The following PRKCA variants were observed in gnomAD, a reference collection of about 807,000 sequenced individuals.
PRKCA encodes protein kinase C alpha type.
Under a neutral mutation model 87.0 loss-of-function variants are expected in PRKCA, and 27 were observed. The observed-to-expected ratio is 0.31, with a 90% confidence interval of 0.23 to 0.43. The LOEUF (loss-of-function observed/expected upper bound fraction) is 0.43, where lower values mean the gene tolerates loss of function less well. Ranked by LOEUF, PRKCA falls within the 20% of genes least tolerant of loss-of-function variation. The probability of loss-of-function intolerance (pLI) is 1.00; values close to 1 mark genes in which losing one functional copy is unlikely to be tolerated. For missense variants in PRKCA, 518 were observed against 852.3 expected, an observed-to-expected ratio of 0.61 and a Z score of 4.88; for synonymous variants, 329 against 311.1, an observed-to-expected ratio of 1.06 and a Z score of -0.61.
At chr17:66,663,096 T>C (rs778010130) in intron 5 of PRKCA, among the ~76,000 whole-genome samples, 73 of 152,342 alleles carry the variant, frequency 4.8e-4, no homozygotes, top group Admixed American at 9.8e-4. Flanking sequence ...TTATGCCTCA[T>C]GCTCAGCCAG....
chr17:66,468,540 C>A (rs1915185682), intron 2 of PRKCA, among the ~76,000 whole-genome samples: 1 of 152,158 alleles, frequency 6.6e-6, no homozygotes, highest in Non-Finnish European at 1.5e-5. Flanking sequence ...AACATGGGCA[C>A]CCTTCTGTTT....
chr17:66,681,119 CT>C (rs1972479148), intron 5 of PRKCA, among the ~76,000 whole-genome samples: 1 of 152,122 alleles, frequency 6.6e-6, no homozygotes, highest in African/African-American at 2.4e-5. Context: ...GTTCCAGCTA[CT>C]CAGGAGGCTG....
At chr17:66,691,761 A>AG (rs888928427) in intron 8 of PRKCA, among the ~76,000 whole-genome samples, 1 of 111,774 alleles carries the variant, frequency 8.9e-6, no homozygotes, top group African/African-American at 2.8e-5. Context: ...TCACTGGGTC[A>AG]GGGGCTGTTG....
chr17:66,663,492 A>T (rs1161546833), intron 5 of PRKCA, among the ~76,000 whole-genome samples: 1 of 152,176 alleles, frequency 6.6e-6, no homozygotes, highest in Non-Finnish European at 1.5e-5. Flanking sequence ...AAGATGAGGG[A>T]GGGGCTGGAG....
At chr17:66,374,151 G>T (rs896198396) in intron 2 of PRKCA, among the ~76,000 whole-genome samples, 3 of 152,258 alleles carry the variant, frequency 2.0e-5, no homozygotes, top group Admixed American at 2.0e-4. Flanking sequence ...CCTGGGCAGG[G>T]TCTGCATCCA....
chr17:66,417,092 G>C (rs1271010444), intron 2 of PRKCA, among the ~76,000 whole-genome samples: 1 of 151,958 alleles, frequency 6.6e-6, no homozygotes, highest in Non-Finnish European at 1.5e-5. Flanking sequence ...AGAGATGGGG[G>C]TTTTGCCATG....
intron 8 of PRKCA, among the ~76,000 whole-genome samples, chr17:66,715,988 T>C (rs1973463935): frequency 1.3e-5 from 2 of 152,208 alleles, no homozygotes; most frequent in Admixed American, 1.3e-4. Context: ...CTTTACATTT[T>C]AGTGGACATA....
chr17:66,423,647 TC>T (rs1352349754), intron 2 of PRKCA, among the ~76,000 whole-genome samples: 1 of 152,246 alleles, frequency 6.6e-6, no homozygotes, highest in African/African-American at 2.4e-5. Context: ...ATACTGTTTT[TC>T]TTCCCAGGTA....
intron 2 of PRKCA, among the ~76,000 whole-genome samples, chr17:66,345,376 A>G (rs1907296913): frequency 6.6e-6 from 1 of 152,200 alleles, no homozygotes; most frequent in South Asian, 2.1e-4. Context: ...ATGGACAATT[A>G]TCTTTCAGTT....
chr17:66,634,258 G>A (rs1253920083), intron 3 of PRKCA, among the ~76,000 whole-genome samples: 1 of 152,150 alleles, frequency 6.6e-6, no homozygotes, highest in Non-Finnish European at 1.5e-5. Flanking sequence ...CTTTATTCAT[G>A]CCTATGAAAA....
At chr17:66,491,412 C>T (rs1304141396) in intron 2 of PRKCA, among the ~76,000 whole-genome samples, 1 of 152,224 alleles carries the variant, frequency 6.6e-6, no homozygotes, top group Non-Finnish European at 1.5e-5. Flanking sequence ...GCCCCCACGA[C>T]AATCATCAGA....
chr17:66,779,722 A>G (rs1007557054), intron 14 of PRKCA, among the ~76,000 whole-genome samples: 7 of 152,204 alleles, frequency 4.6e-5, no homozygotes, highest in Admixed American at 4.6e-4. Context: ...CACAAATCAC[A>G]TATTGTTAAA....
At chr17:66,782,510 A>C (rs1383759364) in intron 14 of PRKCA, among the ~76,000 whole-genome samples, 2 of 152,118 alleles carry the variant, frequency 1.3e-5, no homozygotes, top group Non-Finnish European at 2.9e-5. Context: ...AGCAGCTGGG[A>C]AGGAGGGAGG....
intron 2 of PRKCA, among the ~76,000 whole-genome samples, chr17:66,477,694 C>T (rs1029216416): frequency 1.2e-4 from 19 of 152,242 alleles, no homozygotes; most frequent in Admixed American, 8.5e-4. Context: ...AGTGAGACTC[C>T]GTCTCAAAAC....
intron 2 of PRKCA, among the ~76,000 whole-genome samples, chr17:66,326,218 C>T (rs767602453): frequency 6.6e-6 from 1 of 152,102 alleles, no homozygotes; most frequent in East Asian, 1.9e-4. Flanking sequence ...GCTTCATACT[C>T]GTTCATTTTG....
rs554324900 is a variant in PRKCA, at chr17:66,739,099, C to T, written c.1322+244C>T. ...GTTTCACCATCTTGCCCAGGCTGGTCCCGAACTCCTGAGCTCAAGCTGTCT... is the reference window on the plus strand; with the variant it reads ...GTTTCACCATCTTGCCCAGGCTGGTTCCGAACTCCTGAGCTCAAGCTGTCT... On this transcript the variant is annotated intron_variant, in intron 11 of 16. Coordinates refer to ENST00000413366, the MANE Select transcript of PRKCA (RefSeq NM_002737.3). Among the ~76,000 whole-genome samples the T allele has an allele frequency of 5.3e-5, 8 of 152,198 alleles. No homozygotes were observed. The South Asian group carries it at 1.7e-3, about 32-fold the overall frequency.
intron 2 of PRKCA, among the ~76,000 whole-genome samples, chr17:66,407,270 T>C (rs886426019): frequency 4.6e-5 from 7 of 151,890 alleles, no homozygotes; most frequent in African/African-American, 1.7e-4. Context: ...GATCAGATCA[T>C]GGGGGCGGAT....
intron 2 of PRKCA, among the ~76,000 whole-genome samples, chr17:66,400,659 CATGATGGTTCT>C (rs1350303261): frequency 6.6e-6 from 1 of 152,308 alleles, no homozygotes; most frequent in East Asian, 1.9e-4. Flanking sequence ...TGCTGGATTA[CATGATGGTTCT>C]ATTTAATTTT....
chr17:66,359,813 A>G (rs1399423794), intron 2 of PRKCA, among the ~76,000 whole-genome samples: 1 of 152,236 alleles, frequency 6.6e-6, no homozygotes, highest in Non-Finnish European at 1.5e-5. Flanking sequence ...TATAGTAGGC[A>G]TAAACTTGCA....
Sources: allele counts gnomAD v4.1 joint callset (sites outside exome capture counted in the v4.1 genomes callset), GRCh38; gene constraint gnomAD v4.1.1; transcripts MANE v1.5; gene names NCBI Gene and HGNC (gene_info 2026-07-23, HGNC 2026-07-21).